ZP3: variants seen among roughly 807,000 people sequenced by gnomAD.
ZP3 encodes zona pellucida sperm-binding protein 3.
Under a neutral mutation model 35.6 loss-of-function variants are expected in ZP3, and 21 were observed. The observed-to-expected ratio is 0.59, with a 90% CI of 0.42 to 0.85. The LOEUF is 0.85. Ranked by LOEUF, ZP3 falls within the 40% of genes least tolerant of loss-of-function variation. ZP3 has a pLI of 0.00. For synonymous variants in ZP3, 207 were observed against 214.5 expected, an observed-to-expected ratio of 0.96 and a Z score of 0.31; for missense variants, 437 against 536.5, an observed-to-expected ratio of 0.81 and a Z score of 1.83.
At chr7:76,408,415 TG>T (rs1805117495) in intron 1 of ZP3, among the ~76,000 whole-genome samples, 1 of 152,034 alleles carries the variant, frequency 6.6e-6, no homozygotes, top group South Asian at 2.1e-4. Flanking sequence ...GTCCAGTCTT[TG>T]CTTGTTGTGG....
At chr7:76,406,214 G>A (rs1416726874) in intron 1 of ZP3, among the ~76,000 whole-genome samples, 2 of 152,106 alleles carry the variant, frequency 1.3e-5, no homozygotes, top group Non-Finnish European at 2.9e-5. Flanking sequence ...CTGACCTCAG[G>A]TGATCCACGC....
intron 1 of ZP3, among the ~76,000 whole-genome samples, chr7:76,413,032 G>A (rs550944285): frequency 2.5e-4 from 34 of 137,460 alleles, no homozygotes; most frequent in African/African-American, 6.0e-4. Context: ...ATGTGATCTC[G>A]GTTCACTGCA....
chr7:76,418,213 G>A lies in ZP3; in HGVS notation c.-66-6839G>A, dbSNP rs529762392. Among the ~76,000 whole-genome samples the A allele has an allele frequency of 3.9e-5, 6 of 152,104 alleles. No individual in the cohort carries two copies. In the East Asian group the frequency reaches 9.7e-4, roughly 25 times the overall value. ...CAAAGTGCTTGGATTATAGATGTGAGCCACTTTGCCTGGCGAATAGTGCTA... is the reference window on the plus strand; with the variant it reads ...CAAAGTGCTTGGATTATAGATGTGAACCACTTTGCCTGGCGAATAGTGCTA... On this transcript the variant is annotated intron_variant, in intron 1 of 8. Transcript: ENST00000336517.
At chr7:76,433,432 G>A in intron 3 of ZP3, 38 bp from the exon 4 acceptor site, 1 of 1,593,368 alleles carries the variant, frequency 6.3e-7, no homozygotes, top group Non-Finnish European at 8.6e-7. Context: ...TGGGATTACA[G>A]GCATGAGCCA....
intron 1 of ZP3, among the ~76,000 whole-genome samples, chr7:76,401,559 G>A (rs895287868): frequency 3.3e-5 from 5 of 152,064 alleles, no homozygotes; most frequent in African/African-American, 7.2e-5. Context: ...TGGGATTACA[G>A]GTGCACACCA....
intron 1 of ZP3, among the ~76,000 whole-genome samples, chr7:76,413,998 C>CT (rs113488466): frequency 0.073 from 9,454 of 128,730 alleles, 723 homozygotes; most frequent in African/African-American, 0.19. Flanking sequence ...CCTTCTTCTT[C>CT]TTTTTTTTTT....
intron 1 of ZP3, among the ~76,000 whole-genome samples, chr7:76,402,067 T>C (rs903992010): frequency 6.6e-6 from 1 of 152,020 alleles, no homozygotes; most frequent in Non-Finnish European, 1.5e-5. Context: ...TCACCCAGCC[T>C]GGAGTGCAGT....
upstream of ZP3, among the ~76,000 whole-genome samples, chr7:76,423,530 A>C (rs1805574306): frequency 6.6e-6 from 1 of 152,192 alleles, no homozygotes; most frequent in Admixed American, 6.6e-5. Flanking sequence ...TCCTAAGGTC[A>C]GTTCCTGGGA....
intron 5 of ZP3, among the ~76,000 whole-genome samples, chr7:76,438,503 T>C (rs892236019): frequency 8.1e-5 from 11 of 136,564 alleles, no homozygotes; most frequent in African/African-American, 2.5e-4. Context: ...GGCTACAGTG[T>C]ACTCCAGCCT....
In ZP3 at chr7:76,402,256, T is replaced by C. The variant is rs1019569763; in HGVS notation, c.-67+4459T>C. Among the ~76,000 whole-genome samples, 25 of 151,056 alleles carry C rather than the reference T, an allele frequency of 1.7e-4. No homozygotes were observed. In the East Asian group the frequency reaches 3.7e-3, roughly 22 times the overall value. Reference sequence around the variant, plus strand: ...GCACAGTGGCATGATCTCATCTCACTGCAGCCTCTGCCTCCTGGGTTCAAG... The same window carrying C: ...GCACAGTGGCATGATCTCATCTCACCGCAGCCTCTGCCTCCTGGGTTCAAG... On this transcript the variant is annotated intron_variant, in intron 1 of 8. Coordinates refer to the ZP3 transcript ENST00000336517.
rs928965347 is a variant in ZP3, at chr7:76,397,905, C to A, written c.-67+108C>A. On this transcript the variant is annotated intron_variant, in intron 1 of 8. Coordinates refer to the ZP3 transcript ENST00000336517. ...CCCCGTCCGCACCGCAAGGGCAGCC[C>A]GGTGTCCCAGGATCTACAACCCTTG... 7.8e-6 allele frequency: 11 copies of A among 1,413,622 alleles called. No individual in the cohort carries two copies. In the African/African-American group the frequency reaches 1.6e-4, roughly 20 times the overall value. 87.6% of individuals were successfully genotyped at this position (1,413,622 alleles called of 1,614,324 possible).
chr7:76,431,116 C>T (rs1805813274), intron 2 of ZP3, among the ~76,000 whole-genome samples: 1 of 152,148 alleles, frequency 6.6e-6, no homozygotes. Flanking sequence ...AGCTGGGAGG[C>T]TGGAAAACTG....
chr7:76,419,290 T>C (rs191754161), intron 1 of ZP3, among the ~76,000 whole-genome samples: 4 of 152,338 alleles, frequency 2.6e-5, no homozygotes, highest in African/African-American at 4.8e-5. Flanking sequence ...GAAGATCATA[T>C]TTTCTTCTCA....
At chr7:76,422,269 T>A (rs1377162563), upstream of ZP3, among the ~76,000 whole-genome samples, 1 of 152,044 alleles carries the variant, frequency 6.6e-6, no homozygotes, top group East Asian at 1.9e-4. Flanking sequence ...CCCACAGGGT[T>A]CTGCCCCGCC....
chr7:76,405,521 G>T (rs1172680669), intron 1 of ZP3, among the ~76,000 whole-genome samples: 4 of 150,214 alleles, frequency 2.7e-5, no homozygotes, highest in Non-Finnish European at 5.9e-5. Context: ...GGTGACACAT[G>T]TCTGTAGCTG....
chr7:76,437,181 T>C (rs1806042972), intron 5 of ZP3, among the ~76,000 whole-genome samples: 2 of 136,528 alleles, frequency 1.5e-5, no homozygotes, highest in African/African-American at 5.7e-5. Context: ...CTTTTTTTTT[T>C]TTTTTTTTTT....
At chr7:76,412,394 T>C (rs550457782) in intron 1 of ZP3, among the ~76,000 whole-genome samples, 25 of 152,182 alleles carry the variant, frequency 1.6e-4, no homozygotes, top group Admixed American at 1.6e-3. Context: ...GTTTAAGGAT[T>C]GTGGAGGGCA....
chr7:76,432,577 A>C (rs1248301387), intron 2 of ZP3, among the ~76,000 whole-genome samples: 3 of 151,900 alleles, frequency 2.0e-5, no homozygotes, highest in African/African-American at 7.3e-5. Context: ...CCACCTCCCA[A>C]AGTGCTGGGA....
intron 7 of ZP3, among the ~76,000 whole-genome samples, chr7:76,441,015 T>C (rs1213455348): frequency 1.3e-5 from 2 of 151,096 alleles, no homozygotes. Context: ...CTACTAAAAA[T>C]AAAAAATTAG....
Sources: allele counts gnomAD v4.1 joint callset (sites outside exome capture counted in the v4.1 genomes callset), GRCh38; gene constraint gnomAD v4.1.1; transcripts MANE v1.5; gene names NCBI Gene and HGNC (gene_info 2026-07-23, HGNC 2026-07-21).